The following CLSTN2 variants were observed in gnomAD, a reference collection of about 807,000 sequenced individuals.
CLSTN2 encodes calsyntenin 2.
Under a neutral mutation model 101.2 loss-of-function variants are expected in CLSTN2, and 48 were observed. The ratio of observed to expected loss-of-function variants is 0.47; its 90% CI spans 0.38 to 0.60. CLSTN2 has a LOEUF of 0.60. CLSTN2 is among the 20% of genes least tolerant of loss of function. The probability of loss-of-function intolerance (pLI) is 0.00; values close to 1 mark genes in which losing one functional copy is unlikely to be tolerated. For missense variants in CLSTN2, 1,160 were observed against 1,238.2 expected (o/e 0.94, Z 0.95); for synonymous variants, 481 against 463.6 (o/e 1.04, Z -0.48).
At chr3:140,135,113 C>CAT (rs1475480824) in intron 1 of CLSTN2, among the ~76,000 whole-genome samples, 1 of 52,082 alleles carries the variant, frequency 1.9e-5, no homozygotes, top group African/African-American at 1.2e-4. Flanking sequence ...CACACACACA[C>CAT]ACACATATAT....
chr3:140,048,651 A>G (rs1341729886), intron 1 of CLSTN2, among the ~76,000 whole-genome samples: 1 of 152,198 alleles, frequency 6.6e-6, no homozygotes, highest in Non-Finnish European at 1.5e-5. Flanking sequence ...ATAGCTAGAG[A>G]GTAGAAGAGC....
At chr3:140,250,526 G>C (rs985897092) in intron 2 of CLSTN2, among the ~76,000 whole-genome samples, 2 of 152,204 alleles carry the variant, frequency 1.3e-5, no homozygotes, top group African/African-American at 4.8e-5. Context: ...TTACTTGTTA[G>C]AAGTCAAATT....
chr3:140,179,717 T>C (rs115901552), intron 2 of CLSTN2, among the ~76,000 whole-genome samples: 1,666 of 151,522 alleles, frequency 0.011, 35 homozygotes, highest in African/African-American at 0.038. Context: ...AAATTTGCCA[T>C]TTTATTACAT....
intron 2 of CLSTN2, among the ~76,000 whole-genome samples, chr3:140,362,958 G>A (rs774238804): frequency 3.3e-5 from 5 of 152,096 alleles, no homozygotes; most frequent in Admixed American, 3.3e-4. Context: ...CTTATCATAT[G>A]ACCTAGAAAT....
intron 7 of CLSTN2, among the ~76,000 whole-genome samples, chr3:140,465,162 C>A (rs1933658979): frequency 6.6e-6 from 1 of 152,192 alleles, no homozygotes; most frequent in Non-Finnish European, 1.5e-5. Flanking sequence ...TATCTTGTAA[C>A]TGAAAACATC....
chr3:140,389,691 T>A (rs758085186), intron 2 of CLSTN2, among the ~76,000 whole-genome samples: 2 of 152,188 alleles, frequency 1.3e-5, no homozygotes, highest in Non-Finnish European at 2.9e-5. Flanking sequence ...TGGTTCTAGG[T>A]CTTTGAGGAA....
intron 1 of CLSTN2, among the ~76,000 whole-genome samples, chr3:140,155,198 A>G (rs1258539900): frequency 6.6e-6 from 1 of 152,182 alleles, no homozygotes; most frequent in Non-Finnish European, 1.5e-5. Flanking sequence ...GAGGTAAACT[A>G]AGGGGTTCTT....
intron 1 of CLSTN2, among the ~76,000 whole-genome samples, chr3:140,028,941 A>G (rs748964002): frequency 3.9e-5 from 6 of 152,096 alleles, no homozygotes; most frequent in Admixed American, 6.5e-5. Flanking sequence ...AAGACCCATT[A>G]TGTGGTAGAA....
At chr3:140,267,671 G>T (rs559031109) in intron 2 of CLSTN2, among the ~76,000 whole-genome samples, 1 of 152,272 alleles carries the variant, frequency 6.6e-6, no homozygotes, top group African/African-American at 2.4e-5. Flanking sequence ...GTTTTGCTGT[G>T]CCCCAGGCCA....
At chr3:140,337,778 A>G (rs559460022) in intron 2 of CLSTN2, among the ~76,000 whole-genome samples, 1 of 152,330 alleles carries the variant, frequency 6.6e-6, no homozygotes, top group East Asian at 1.9e-4. Flanking sequence ...AGACTCCACC[A>G]GCTGATTATT....
chr3:140,321,800 T>C (rs558380049), intron 2 of CLSTN2, among the ~76,000 whole-genome samples: 92 of 152,230 alleles, frequency 6.0e-4, no homozygotes, highest in African/African-American at 2.1e-3. Context: ...AATACGCTTT[T>C]CCCCCATTTC....
At chr3:140,009,061 A>C (rs945786375) in intron 1 of CLSTN2, among the ~76,000 whole-genome samples, 15 of 152,244 alleles carry the variant, frequency 9.9e-5, no homozygotes, top group African/African-American at 3.6e-4. Flanking sequence ...TATTTAACTA[A>C]TGTGCAGTGT....
intron 2 of CLSTN2, among the ~76,000 whole-genome samples, chr3:140,346,891 A>G (rs1167515941): frequency 6.6e-6 from 1 of 152,224 alleles, no homozygotes; most frequent in East Asian, 1.9e-4. Context: ...CTCCCAATCC[A>G]CTTACCTTAC....
At chr3:140,268,076 C>CT (rs1183138403) in intron 2 of CLSTN2, among the ~76,000 whole-genome samples, 1 of 152,154 alleles carries the variant, frequency 6.6e-6, no homozygotes, top group Non-Finnish European at 1.5e-5. Flanking sequence ...GTGCCAAGCT[C>CT]TGAGCTTGGA....
At chr3:139,965,916 C>T (rs1038661131) in intron 1 of CLSTN2, among the ~76,000 whole-genome samples, 1 of 152,182 alleles carries the variant, frequency 6.6e-6, no homozygotes, top group Non-Finnish European at 1.5e-5. Flanking sequence ...CCCGTCAACC[C>T]GTTAGATGGT....
chr3:140,024,770 CCT>C, intron 1 of CLSTN2, among the ~76,000 whole-genome samples: 1 of 152,304 alleles, frequency 6.6e-6, no homozygotes, highest in East Asian at 1.9e-4. Context: ...ACCTTTCCAA[CCT>C]CTGTCTTGTC....
At chr3:140,490,634 G>A (rs1048929456) in intron 8 of CLSTN2, among the ~76,000 whole-genome samples, 2 of 151,198 alleles carry the variant, frequency 1.3e-5, no homozygotes, top group African/African-American at 4.9e-5. Flanking sequence ...CATCCACTGG[G>A]ACTATGTTCT....
chr3:140,459,895 G>A, intron 7 of CLSTN2, 126 bp downstream of exon 7: 1 of 1,085,454 alleles, frequency 9.2e-7, no homozygotes, highest in Non-Finnish European at 1.4e-6. Flanking sequence ...GAGGAACCCT[G>A]CCAATATATA....
At chr3:140,377,870 T>C (rs2087933796) in intron 2 of CLSTN2, among the ~76,000 whole-genome samples, 1 of 152,202 alleles carries the variant, frequency 6.6e-6, no homozygotes, top group Admixed American at 6.5e-5. Flanking sequence ...TCATATTCAC[T>C]CACCACTCAC....
Sources: gnomAD v4.1 joint callset for allele counts (sites outside exome capture counted in the v4.1 genomes callset) on GRCh38, gnomAD v4.1.1 for gene constraint, MANE v1.5 for transcripts, NCBI Gene and HGNC (gene_info 2026-07-23, HGNC 2026-07-21) for gene names.